ANAPC15: variants seen among roughly 807,000 people sequenced by gnomAD.
ANAPC15 encodes anaphase-promoting complex subunit 15.
In ANAPC15, 13 loss-of-function variants were observed where a neutral mutation model predicts 19.8. That is an observed-to-expected ratio of 0.66 (90% CI 0.43 to 1.04). The LOEUF (loss-of-function observed/expected upper bound fraction) is 1.04. ANAPC15 is among the 50% of genes least tolerant of loss of function. The probability of loss-of-function intolerance (pLI) is 0.00; values close to 1 mark genes in which losing one functional copy is unlikely to be tolerated. For synonymous variants in ANAPC15, 45 were observed against 50.7 expected (o/e 0.89, Z 0.47); for missense variants, 88 against 150.3 (o/e 0.59, Z 2.17).
At chr11:72,111,842 C>T (rs544011892) in intron 1 of ANAPC15, 14 of 154,420 alleles carry the variant, frequency 9.1e-5, no homozygotes, top group African/African-American at 3.4e-4. Context: ...GTAGCATATG[C>T]AAGCAGGGTT....
At chr11:72,108,274 A>G (rs1219382538), downstream of ANAPC15, among the ~76,000 whole-genome samples, 1 of 152,172 alleles carries the variant, frequency 6.6e-6, no homozygotes, top group Non-Finnish European at 1.5e-5. Flanking sequence ...TCCTGTCCCA[A>G]GTCATCTGCA....
rs949424798 is a variant in ANAPC15, at chr11:72,109,861, G to A, written c.*20C>T. 6 of 1,612,880 alleles carry A rather than the reference G, an allele frequency of 3.7e-6. No individual in the cohort carries two copies. The highest frequency in any genetic ancestry group is 8.5e-7 in the Non-Finnish European group (1 of 1,180,002). On this transcript the variant is annotated 3_prime_UTR_variant, in exon 6 of 6. Coordinates refer to ENST00000227618, the MANE Select transcript of ANAPC15 (RefSeq NM_014042.3). The stretch of plus-strand genomic sequence containing the variant: ...TTGGGCTGGCCTGGAATCTCCCTGA[G>A]GCCACCCTGCCTTGTCTACCTAGAT...
At chr11:72,107,409 A>T, downstream of ANAPC15, 1 of 699,912 alleles carries the variant, frequency 1.4e-6, no homozygotes, top group Middle Eastern at 2.3e-4. Context: ...CTGGGACTTC[A>T]TGGAGAAAGA....
chr11:72,110,119 T>C lies in ANAPC15; in HGVS notation c.287A>G (p.Asn96Ser), dbSNP rs1393195555. ...GACCTCTCCATCATCCGGTGACTCATTGTAGTCATTCATCTCGTCCATGTC... is the reference window on the plus strand; with the variant it reads ...GACCTCTCCATCATCCGGTGACTCACTGTAGTCATTCATCTCGTCCATGTC... Reference protein sequence around the residue: ...MQDMDEMNDYNESPDDGEVNE... With the variant: ...MQDMDEMNDYSESPDDGEVNE... Residue 96 changes from asparagine to serine, a missense_variant, in exon 5 of 6, where the codon AAT (asparagine) becomes AGT (serine). By Grantham distance (46) the Asn-to-Ser change is conservative (BLOSUM62 1). Coordinates refer to ENST00000227618, the MANE Select transcript of ANAPC15 (RefSeq NM_014042.3). 5.0e-6 allele frequency: 8 copies of C among 1,614,082 alleles called. No individual in the cohort carries two copies. In the Admixed American group the frequency reaches 5.0e-5, roughly 10 times the overall value.
intron 4 of ANAPC15, 36 bp from the exon 5 acceptor site, chr11:72,110,261 C>T: frequency 6.2e-7 from 1 of 1,610,364 alleles, no homozygotes; most frequent in Non-Finnish European, 8.5e-7. Flanking sequence ...GCCCTACAGG[C>T]CTGCATGGAC....
chr11:72,108,858 C>A, downstream of ANAPC15: 1 of 1,550,702 alleles, frequency 6.4e-7, no homozygotes, highest in Admixed American at 2.0e-5. Flanking sequence ...CTCCACCACA[C>A]TGGCCTTCCA....
At chr11:72,111,954 T>C (rs1947099348) in intron 1 of ANAPC15, 1 of 153,030 alleles carries the variant, frequency 6.5e-6, no homozygotes, top group Non-Finnish European at 1.5e-5. Flanking sequence ...TTTGAGCGGC[T>C]GAGGGAGCCG....
upstream of ANAPC15, chr11:72,112,715 A>C (rs948813907): frequency 1.5e-5 from 7 of 456,560 alleles, no homozygotes; most frequent in Non-Finnish European, 2.2e-5. Context: ...GGAAGAACCC[A>C]CCAGAATCCG....
intron 4 of ANAPC15, 140 bp from the exon 5 acceptor site, chr11:72,110,365 A>T: frequency 1.3e-6 from 2 of 1,550,168 alleles, no homozygotes; most frequent in Non-Finnish European, 1.8e-6. Context: ...AGGCTGGTGC[A>T]TGTTCTGCAG....
downstream of ANAPC15, chr11:72,108,006 C>T: frequency 6.4e-7 from 1 of 1,551,724 alleles, no homozygotes; most frequent in Non-Finnish European, 8.7e-7. Context: ...CTCTACCCTG[C>T]TTATTGCCCG....
At chr11:72,110,292 T>C (rs763858916) in intron 4 of ANAPC15, 67 bp from the exon 5 acceptor site, 3 of 1,604,914 alleles carry the variant, frequency 1.9e-6, no homozygotes, top group Non-Finnish European at 2.5e-6. Context: ...ACTGACCCAC[T>C]TGAGCCTCTC....
At chr11:72,109,060 C>T, downstream of ANAPC15, 1 of 759,194 alleles carries the variant, frequency 1.3e-6, no homozygotes, top group South Asian at 1.9e-5. Context: ...CTTCCCACCT[C>T]TGACCTCTTT....
Position 72,111,408 on chromosome 11 carries a change from A to C in ANAPC15, c.-11+4T>G. 1 of 750,596 alleles carries C rather than the reference A, an allele frequency of 1.3e-6. No individual in the cohort carries two copies. The highest frequency in any genetic ancestry group is 1.7e-5 in the South Asian group (1 of 59,692). 46.5% of individuals were successfully genotyped at this position (750,596 alleles called of 1,614,324 possible). A position where few individuals can be genotyped will look rare whatever the true frequency, so the allele number is the denominator to read the frequency against. ...CAGCCCCTCCCCCTAGGAATCAGAC[A>C]GACCTGGCTTTGAGTCCTGGCTCCA... On this transcript the variant is annotated splice_donor_region_variant and intron_variant, in intron 2 of 5. Coordinates refer to ENST00000227618, the MANE Select transcript of ANAPC15 (RefSeq NM_014042.3).
At chr11:72,110,282 AC>A in intron 4 of ANAPC15, 57 bp from the exon 5 acceptor site, 1 of 1,606,866 alleles carries the variant, frequency 6.2e-7, no homozygotes, top group African/African-American at 1.3e-5. Context: ...CAGTTCAAGA[AC>A]TGACCCACTT....
At chr11:72,110,435 G>C in intron 4 of ANAPC15, 109 bp downstream of exon 4, 1 of 1,552,296 alleles carries the variant, frequency 6.4e-7, no homozygotes, top group Non-Finnish European at 8.8e-7. Flanking sequence ...CTTTTACCCA[G>C]ATCTGAGAAC....
At chr11:72,108,675 C>G, downstream of ANAPC15, 1 of 1,537,406 alleles carries the variant, frequency 6.5e-7, no homozygotes. Context: ...CTGAGTCGGG[C>G]AGACCTGGTG....
rs568780022 is a variant in ANAPC15, at chr11:72,110,410, A to G, written c.180+134T>C. On this transcript the variant is annotated intron_variant, in intron 4 of 5. Coordinates refer to ENST00000227618, the MANE Select transcript of ANAPC15 (RefSeq NM_014042.3). Reference sequence around the variant, plus strand: ...GCTAGGCCCAATGCCCACCCCTTCTATCTCCCCTTTTAGGCTTTTACCCAG... The same window carrying G: ...GCTAGGCCCAATGCCCACCCCTTCTGTCTCCCCTTTTAGGCTTTTACCCAG... 5 of 1,509,558 alleles carry G rather than the reference A, an allele frequency of 3.3e-6. No individual in the cohort carries two copies. The African/African-American group carries it at 4.1e-5, about 12-fold the overall frequency. The allele number at this position is 1,509,558 out of a possible 1,614,324, so 93.5% of individuals were successfully genotyped here.
downstream of ANAPC15, chr11:72,108,651 G>A (rs1213122608): frequency 5.3e-6 from 8 of 1,512,126 alleles, no homozygotes; most frequent in African/African-American, 2.8e-5. Context: ...CCGTGCCTAC[G>A]CACCCAGTAT....
In ANAPC15 at chr11:72,111,156, C is replaced by A. The variant is rs764270719; in HGVS notation, c.120+1G>T. 2 of 1,544,014 alleles carry A rather than the reference C, an allele frequency of 1.3e-6. No homozygotes were observed. The highest frequency in any genetic ancestry group is 1.1e-5 in the South Asian group (1 of 88,226). ...CTGTGCTGTGCTAGCTGCTCACTCA[C>A]CCAGGCCTGATGCTGCTGTTCCTGC... On this transcript the variant is annotated splice_donor_variant, in intron 3 of 5. Transcript: ENST00000227618. LOFTEE classifies it high-confidence loss of function.
Sources: allele counts gnomAD v4.1 joint callset (sites outside exome capture counted in the v4.1 genomes callset), GRCh38; gene constraint gnomAD v4.1.1; transcripts MANE v1.5; gene names NCBI Gene and HGNC (gene_info 2026-07-23, HGNC 2026-07-21).